Variants in TRDN observed in about 807,000 individuals in gnomAD.
TRDN encodes the protein triadin, also known as triadin in skeletal muscle.
Under a neutral mutation model 149.7 loss-of-function variants are expected in TRDN, and 161 were observed. That is an observed-to-expected ratio of 1.08 (90% CI 0.95 to 1.23). TRDN has a LOEUF of 1.23. Among genes scored for constraint, TRDN ranks in the 50% most tolerant of loss-of-function variants. The pLI, the probability that TRDN is intolerant of heterozygous loss-of-function variation, is 0.00. For missense variants in TRDN, 896 were observed against 823.5 expected (o/e 1.09, Z -1.08); for synonymous variants, 294 against 250.5 (o/e 1.17, Z -1.64).
intron 1 of TRDN, among the ~76,000 whole-genome samples, chr6:123,581,634 T>G (rs867869929): frequency 6.6e-6 from 1 of 152,164 alleles, no homozygotes; most frequent in Non-Finnish European, 1.5e-5. Context: ...TTTCATGATA[T>G]GAGAAAACGT....
chr6:123,495,774 T>C (rs777877500), intron 9 of TRDN, among the ~76,000 whole-genome samples: 12 of 152,094 alleles, frequency 7.9e-5, no homozygotes, highest in Admixed American at 1.3e-4. Flanking sequence ...CAAATTAAAG[T>C]TATAACATTT....
chr6:123,530,766 G>A (rs1780206551), intron 4 of TRDN, among the ~76,000 whole-genome samples: 1 of 151,784 alleles, frequency 6.6e-6, no homozygotes, highest in African/African-American at 2.4e-5. Context: ...AAAAATTGGA[G>A]TTATCTCAAA....
intron 20 of TRDN, among the ~76,000 whole-genome samples, chr6:123,354,948 A>G (rs1428338820): frequency 6.6e-6 from 1 of 151,776 alleles, no homozygotes; most frequent in East Asian, 1.9e-4. Flanking sequence ...CACAAATCCT[A>G]CTACTGTCTC....
intron 12 of TRDN, chr6:123,421,539 C>G (rs1326322884): frequency 6.6e-6 from 1 of 152,124 alleles, no homozygotes; most frequent in Non-Finnish European, 1.5e-5. Context: ...TCGACCTGAA[C>G]TTTTCCTCAT....
chr6:123,575,769 G>T (rs1782823876), intron 1 of TRDN, among the ~76,000 whole-genome samples: 1 of 152,052 alleles, frequency 6.6e-6, no homozygotes, highest in African/African-American at 2.4e-5. Context: ...ATATGCAGAA[G>T]AATAAGCCAT....
chr6:123,436,891 G>A (rs1310811089), intron 12 of TRDN, among the ~76,000 whole-genome samples: 2 of 152,188 alleles, frequency 1.3e-5, no homozygotes, highest in South Asian at 2.1e-4. Flanking sequence ...AATAGGGGAC[G>A]ATTCCTTCAT....
chr6:123,536,706 T>TAAAA (rs1780554631), intron 4 of TRDN, among the ~76,000 whole-genome samples: 1 of 148,346 alleles, frequency 6.7e-6, no homozygotes, highest in Non-Finnish European at 1.5e-5. Flanking sequence ...AATAAATAAA[T>TAAAA]AAATAAATAA....
Position 123,582,768 on chromosome 6 carries a change from A to T in TRDN, c.23-11636T>A, listed in dbSNP as rs539420800. On this transcript the variant is annotated intron_variant, in intron 1 of 40. Transcript: ENST00000334268. ...TTCTTATATTAATAAGAAAAATAAA[A>T]TGAAATAGTGGTAAAGTCTTGGGAC... Among the ~76,000 whole-genome samples the T allele has an allele frequency of 1.2e-4, 19 of 152,184 alleles. No individual in the cohort carries two copies. In the South Asian group the frequency reaches 4.0e-3, roughly 32 times the overall value.
intron 24 of TRDN, among the ~76,000 whole-genome samples, chr6:123,299,208 G>A (rs1374093429): frequency 6.6e-6 from 1 of 152,000 alleles, no homozygotes; most frequent in Non-Finnish European, 1.5e-5. Context: ...GGGAGATCCT[G>A]TTCTTGTTTG....
chr6:123,439,256 C>T (rs760756976), intron 10 of TRDN, among the ~76,000 whole-genome samples: 1 of 152,078 alleles, frequency 6.6e-6, no homozygotes, highest in Non-Finnish European at 1.5e-5. Flanking sequence ...ACTGCTAATA[C>T]TGTTTACAAA....
chr6:123,434,401 T>C (rs962192455), intron 12 of TRDN, among the ~76,000 whole-genome samples: 2 of 152,174 alleles, frequency 1.3e-5, no homozygotes, highest in Non-Finnish European at 2.9e-5. Context: ...CAAATGAAGA[T>C]GTTAGTAATC....
At chr6:123,252,519 T>A in intron 37 of TRDN, 84 bp from the exon 38 acceptor site, 1 of 710,046 alleles carries the variant, frequency 1.4e-6, no homozygotes, top group Non-Finnish European at 2.3e-6. Flanking sequence ...TAAAAATATC[T>A]AATTATTTTG....
intron 14 of TRDN, among the ~76,000 whole-genome samples, chr6:123,386,355 A>G (rs767248160): frequency 3.9e-5 from 6 of 152,222 alleles, no homozygotes; most frequent in Non-Finnish European, 7.3e-5. Context: ...GGATAACAGC[A>G]AGAACAAAGG....
At chr6:123,533,350 G>A (rs546084557) in intron 4 of TRDN, among the ~76,000 whole-genome samples, 101 of 152,120 alleles carry the variant, frequency 6.6e-4, no homozygotes, top group Non-Finnish European at 1.3e-3. Context: ...GAGCTCACAC[G>A]GGAGAATAAG....
At chr6:123,606,016 TG>T (rs1784512961) in intron 1 of TRDN, among the ~76,000 whole-genome samples, 2 of 152,266 alleles carry the variant, frequency 1.3e-5, no homozygotes, top group South Asian at 4.1e-4. Context: ...CTTTCAAATG[TG>T]TGCTCATTCA....
chr6:123,395,178 G>C (rs1772670403), intron 12 of TRDN, among the ~76,000 whole-genome samples: 1 of 152,024 alleles, frequency 6.6e-6, no homozygotes, highest in Non-Finnish European at 1.5e-5. Context: ...AGAAATATTT[G>C]CAAAAATTTG....
chr6:123,584,365 G>A (rs1292266269), intron 1 of TRDN, among the ~76,000 whole-genome samples: 1 of 145,506 alleles, frequency 6.9e-6, no homozygotes, highest in East Asian at 2.7e-4. Flanking sequence ...AAGTATTAGG[G>A]TGGCAGCAGC....
chr6:123,405,065 C>T (rs149039441), intron 12 of TRDN, among the ~76,000 whole-genome samples: 3 of 152,308 alleles, frequency 2.0e-5, no homozygotes, highest in Non-Finnish European at 2.9e-5. Context: ...CACATCTTCA[C>T]GTATTGCAGC....
chr6:123,266,710 T>TA lies in TRDN; in HGVS notation c.1783+996dup, dbSNP rs1777012908. Among the ~76,000 whole-genome samples the TA allele has an allele frequency of 2.1e-5, 2 of 94,018 alleles. 1 individual carries two copies. The highest frequency in any genetic ancestry group is 3.6e-4 in the Admixed American group (2 of 5,576). The allele number at this position is 94,018 out of a possible 152,430, so 61.7% of individuals were successfully genotyped here. On this transcript the variant is annotated intron_variant, in intron 32 of 40. Transcript: ENST00000334268. Reference sequence around the variant, plus strand: ...GTAATATATTATAATATGTATTATATATAATATATATGATATATTATATAT... The same window carrying TA: ...GTAATATATTATAATATGTATTATATAATAATATATATGATATATTATATAT...
Sources: gnomAD v4.1 joint callset for allele counts (sites outside exome capture counted in the v4.1 genomes callset) on GRCh38, gnomAD v4.1.1 for gene constraint, MANE v1.5 for transcripts, NCBI Gene and HGNC (gene_info 2026-07-23, HGNC 2026-07-21) for gene names.